The following SRPK2 variants were observed in gnomAD, a reference collection of about 807,000 sequenced individuals.
SRPK2 encodes the protein SRSF protein kinase 2.
Under a neutral mutation model 90.8 loss-of-function variants are expected in SRPK2, and 21 were observed. The observed-to-expected ratio is 0.23, with a 90% CI of 0.16 to 0.33. The LOEUF (loss-of-function observed/expected upper bound fraction) is 0.33, where lower values mean the gene tolerates loss of function less well. Among genes scored for constraint, SRPK2 ranks in the 10% least tolerant of loss-of-function variants. The pLI is 1.00. For missense variants in SRPK2, 620 were observed against 869.0 expected (o/e 0.71, Z 3.60); for synonymous variants, 288 against 311.1 (o/e 0.93, Z 0.78).
chr7:105,234,747 G>A (rs1456645897), intron 2 of SRPK2, among the ~76,000 whole-genome samples: 1 of 152,006 alleles, frequency 6.6e-6, no homozygotes, highest in Non-Finnish European at 1.5e-5. Flanking sequence ...AAGCACCAAA[G>A]CAATGAAGAT....
At chr7:105,310,594 G>A (rs1286116046) in intron 2 of SRPK2, among the ~76,000 whole-genome samples, 2 of 152,042 alleles carry the variant, frequency 1.3e-5, no homozygotes, top group Non-Finnish European at 2.9e-5. Context: ...TAGAAGCCGA[G>A]ATCGCGCCAC....
intron 2 of SRPK2, among the ~76,000 whole-genome samples, chr7:105,383,165 C>T (rs1267616644): frequency 7.2e-6 from 1 of 139,196 alleles, no homozygotes; most frequent in Non-Finnish European, 1.5e-5. Context: ...CCTGGGTTCA[C>T]GCCATTCTCC....
At chr7:105,129,176 C>T (rs532616993) in intron 13 of SRPK2, among the ~76,000 whole-genome samples, 14 of 152,158 alleles carry the variant, frequency 9.2e-5, no homozygotes, top group African/African-American at 2.4e-4. Flanking sequence ...CCTCGTGACC[C>T]GCCTGCCTCG....
chr7:105,149,504 A>G (rs976313451), intron 7 of SRPK2, among the ~76,000 whole-genome samples: 2 of 152,226 alleles, frequency 1.3e-5, no homozygotes, highest in Non-Finnish European at 2.9e-5. Flanking sequence ...GAGGGAACTC[A>G]GAGACCGGTG....
intron 2 of SRPK2, among the ~76,000 whole-genome samples, chr7:105,262,956 A>C (rs1804517480): frequency 6.6e-6 from 1 of 152,224 alleles, no homozygotes; most frequent in African/African-American, 2.4e-5. Context: ...ATACCCACTA[A>C]AACTCAGCAA....
chr7:105,140,180 C>G (rs1803503118), intron 11 of SRPK2, among the ~76,000 whole-genome samples: 1 of 152,114 alleles, frequency 6.6e-6, no homozygotes, highest in Non-Finnish European at 1.5e-5. Flanking sequence ...CCAACTATTT[C>G]CCACCTGAAG....
chr7:105,210,530 T>C (rs1041276730), intron 2 of SRPK2, among the ~76,000 whole-genome samples: 1 of 152,210 alleles, frequency 6.6e-6, no homozygotes, highest in African/African-American at 2.4e-5. Flanking sequence ...GATAATTTCA[T>C]GTATTCCTCT....
At chr7:105,170,812 A>G (rs28613335) in intron 3 of SRPK2, among the ~76,000 whole-genome samples, 20 of 105,422 alleles carry the variant, frequency 1.9e-4, no homozygotes, top group South Asian at 3.5e-4. Flanking sequence ...AGGGAGAGAG[A>G]GAGGGAGAGA....
At chr7:105,196,619 G>T (rs368042009) in intron 3 of SRPK2, among the ~76,000 whole-genome samples, 1 of 152,204 alleles carries the variant, frequency 6.6e-6, no homozygotes, top group Non-Finnish European at 1.5e-5. Flanking sequence ...GGTCAAAACC[G>T]CACCCAGCGA....
intron 2 of SRPK2, among the ~76,000 whole-genome samples, chr7:105,366,932 T>C (rs1338995046): frequency 6.6e-6 from 1 of 152,208 alleles, no homozygotes; most frequent in Non-Finnish European, 1.5e-5. Context: ...ATCATGACAT[T>C]TCTCTCCTTC....
intron 2 of SRPK2, among the ~76,000 whole-genome samples, chr7:105,263,603 A>C (rs1370320121): frequency 6.6e-6 from 1 of 152,168 alleles, no homozygotes; most frequent in Non-Finnish European, 1.5e-5. Context: ...AAAAAATTGA[A>C]TCTCAATCTT....
At chr7:105,153,859 C>T (rs571721741) in intron 7 of SRPK2, among the ~76,000 whole-genome samples, 2 of 152,158 alleles carry the variant, frequency 1.3e-5, no homozygotes, top group African/African-American at 2.4e-5. Flanking sequence ...TACTTGTGGG[C>T]GTGCGGGACA....
At chr7:105,366,456 G>A (rs1165480399) in intron 2 of SRPK2, among the ~76,000 whole-genome samples, 1 of 145,836 alleles carries the variant, frequency 6.9e-6, no homozygotes, top group African/African-American at 2.5e-5. Context: ...TGCAACCTCT[G>A]CCTCCCGGCC....
At chr7:105,149,389 T>C (rs989844200) in intron 7 of SRPK2, among the ~76,000 whole-genome samples, 5 of 152,144 alleles carry the variant, frequency 3.3e-5, no homozygotes, top group Non-Finnish European at 5.9e-5. Flanking sequence ...ATGACATAGA[T>C]TCTATTGCTC....
At chr7:105,328,136 T>G (rs931829624) in intron 2 of SRPK2, among the ~76,000 whole-genome samples, 1 of 152,262 alleles carries the variant, frequency 6.6e-6, no homozygotes, top group South Asian at 2.1e-4. Flanking sequence ...AGGGGAGACA[T>G]ACAAATGACT....
chr7:105,240,642 G>A (rs1384711980), intron 2 of SRPK2, among the ~76,000 whole-genome samples: 1 of 152,142 alleles, frequency 6.6e-6, no homozygotes, highest in African/African-American at 2.4e-5. Context: ...ATAGATTGTA[G>A]TTTCAGAAAG....
chr7:105,132,030 C>A (rs9969240), intron 13 of SRPK2, among the ~76,000 whole-genome samples: 2,616 of 152,232 alleles, frequency 0.017, 80 homozygotes, highest in African/African-American at 0.059. Context: ...GGTCAATGAC[C>A]AAACGATGCC....
intron 2 of SRPK2, among the ~76,000 whole-genome samples, chr7:105,252,442 T>A (rs1802601397): frequency 6.6e-6 from 1 of 152,220 alleles, no homozygotes; most frequent in Non-Finnish European, 1.5e-5. Flanking sequence ...AAATAACAGT[T>A]CACTGGCGTT....
chr7:105,244,532 C>T (rs1801305089), intron 2 of SRPK2: 5 of 527,322 alleles, frequency 9.5e-6, no homozygotes, highest in Non-Finnish European at 1.7e-5. Flanking sequence ...TAAGATCGTG[C>T]CACTGCACTC....
Sources: allele counts gnomAD v4.1 joint callset (sites outside exome capture counted in the v4.1 genomes callset), GRCh38; gene constraint gnomAD v4.1.1; transcripts MANE v1.5; gene names NCBI Gene and HGNC (gene_info 2026-07-23, HGNC 2026-07-21).